KCNH8: variants seen among roughly 807,000 people sequenced by gnomAD.
KCNH8 encodes voltage-gated delayed rectifier potassium channel KCNH8.
A neutral mutation model predicts 103.6 loss-of-function variants in KCNH8; 70 were observed. The observed-to-expected ratio is 0.68, with a 90% CI of 0.56 to 0.82. The LOEUF (loss-of-function observed/expected upper bound fraction) is 0.82. KCNH8 is among the 40% of genes least tolerant of loss of function. KCNH8 has a pLI of 0.00. For synonymous variants in KCNH8, 498 were observed against 489.4 expected, an observed-to-expected ratio of 1.02 and a Z score of -0.23; for missense variants, 1,217 against 1,329.9, an observed-to-expected ratio of 0.92 and a Z score of 1.32.
At chr3:19,355,337 G>T (rs945014719) in intron 5 of KCNH8, among the ~76,000 whole-genome samples, 11 of 152,160 alleles carry the variant, frequency 7.2e-5, no homozygotes, top group African/African-American at 2.4e-4. Flanking sequence ...ATTCCTCAAG[G>T]ATCTAGAACT....
chr3:19,338,003 G>C (rs971932167), intron 3 of KCNH8, among the ~76,000 whole-genome samples: 2 of 151,778 alleles, frequency 1.3e-5, no homozygotes, highest in Admixed American at 6.6e-5. Flanking sequence ...GAGAGGCGGG[G>C]GGGGGAGAAA....
chr3:19,364,583 A>C (rs777832063), intron 5 of KCNH8, among the ~76,000 whole-genome samples: 1 of 152,130 alleles, frequency 6.6e-6, no homozygotes, highest in Admixed American at 6.6e-5. Context: ...ATAATTATAC[A>C]AAAAACAGAA....
At chr3:19,479,180 G>T (rs538862921) in intron 11 of KCNH8, among the ~76,000 whole-genome samples, 1 of 152,118 alleles carries the variant, frequency 6.6e-6, no homozygotes, top group East Asian at 1.9e-4. Context: ...GAGTTTGCGG[G>T]GTGCCTCCTA....
chr3:19,342,568 G>T lies in KCNH8; in HGVS notation c.443-19G>T. ...AATGATGCATGCATGTGTGTCTAATGAGTTTTATTTTCCCCCAGACAAAGT... is the reference window on the plus strand; with the variant it reads ...AATGATGCATGCATGTGTGTCTAATTAGTTTTATTTTCCCCCAGACAAAGT... On this transcript the variant is annotated intron_variant, in intron 3 of 15. Coordinates refer to ENST00000328405, the MANE Select transcript of KCNH8 (RefSeq NM_144633.3). The T allele has an allele frequency of 6.2e-7, 1 of 1,605,480 alleles. No individual in the cohort carries two copies. The highest frequency in any genetic ancestry group is 8.5e-7 in the Non-Finnish European group (1 of 1,174,758).
At chr3:19,339,533 TATG>T (rs1160828804) in intron 3 of KCNH8, among the ~76,000 whole-genome samples, 1 of 152,110 alleles carries the variant, frequency 6.6e-6, no homozygotes. Flanking sequence ...CACACGAAGA[TATG>T]ATCTTAACTT....
At chr3:19,370,427 A>C (rs1032388100) in intron 5 of KCNH8, among the ~76,000 whole-genome samples, 2 of 152,070 alleles carry the variant, frequency 1.3e-5, no homozygotes, top group African/African-American at 2.4e-5. Context: ...AAAGGTAATT[A>C]ACTTTCCATA....
chr3:19,418,993 A>C (rs1458063641), intron 7 of KCNH8, among the ~76,000 whole-genome samples: 6 of 152,120 alleles, frequency 3.9e-5, no homozygotes, highest in Non-Finnish European at 8.8e-5. Flanking sequence ...TCCCCATATG[A>C]GATGTTAACA....
intron 3 of KCNH8, among the ~76,000 whole-genome samples, chr3:19,332,876 G>A (rs184057423): frequency 2.3e-4 from 35 of 152,066 alleles, no homozygotes; most frequent in Admixed American, 9.8e-4. Context: ...CAAGTGATCC[G>A]CCCGCCTTGG....
intron 11 of KCNH8, among the ~76,000 whole-genome samples, chr3:19,480,667 T>C (rs2068069798): frequency 6.6e-6 from 1 of 152,202 alleles, no homozygotes; most frequent in Non-Finnish European, 1.5e-5. Context: ...TCCATGTGCC[T>C]GGTATGCTTG....
chr3:19,418,594 C>T (rs1009199594), intron 7 of KCNH8, among the ~76,000 whole-genome samples: 1 of 152,110 alleles, frequency 6.6e-6, no homozygotes, highest in African/African-American at 2.4e-5. Flanking sequence ...ACTAATTTGC[C>T]ATCCTGGACA....
At chr3:19,201,094 T>G (rs183879801) in intron 1 of KCNH8, among the ~76,000 whole-genome samples, 2 of 150,600 alleles carry the variant, frequency 1.3e-5, no homozygotes, top group Non-Finnish European at 3.0e-5. Context: ...TAGCTGGACA[T>G]GGGGGCGGGC....
At chr3:19,471,079 A>G (rs1395923159) in intron 11 of KCNH8, among the ~76,000 whole-genome samples, 4 of 152,120 alleles carry the variant, frequency 2.6e-5, no homozygotes, top group African/African-American at 9.7e-5. Flanking sequence ...AAGTTTGTTT[A>G]TGGGGAAGGG....
chr3:19,367,592 C>T (rs2066030965), intron 5 of KCNH8, among the ~76,000 whole-genome samples: 2 of 151,154 alleles, frequency 1.3e-5, no homozygotes, highest in Admixed American at 1.3e-4. Flanking sequence ...CATAATATTC[C>T]ATCATATAAT....
chr3:19,400,261 A>T (rs953952491), intron 7 of KCNH8, among the ~76,000 whole-genome samples: 6 of 144,666 alleles, frequency 4.1e-5, no homozygotes, highest in African/African-American at 1.6e-4. Context: ...AAAAAGCATC[A>T]TAATGTCAGA....
rs1575545098 is a variant in KCNH8 at position 19,347,926 on chromosome 3, A to G, written c.772A>G (p.Thr258Ala). The change falls in exon 5 of 16, where the codon ACC becomes GCC. Residue 258 changes from threonine to alanine, a missense_variant. By Grantham distance (58) the Thr-to-Ala change is moderately conservative (BLOSUM62 0). This residue lies in a region of KCNH8 where 415 missense variants were observed against 577.4 expected (regional missense o/e 0.72). Transcript: ENST00000328405. Reference protein sequence around the residue: ...NDDLSTTRSTTVSDIAVEILF... With the variant: ...NDDLSTTRSTAVSDIAVEILF... The stretch of plus-strand genomic sequence containing the variant: ...CGACCTGTCCACAACTCGGAGCACA[A>G]CCGTCAGTGACATTGCAGTGGAGAT... 1 of 1,613,144 alleles carries G rather than the reference A, an allele frequency of 6.2e-7. No homozygotes were observed. The highest frequency in any genetic ancestry group is 8.5e-7 in the Non-Finnish European group (1 of 1,179,366).
intron 2 of KCNH8, among the ~76,000 whole-genome samples, chr3:19,258,943 C>CTATATATATATATATATA (rs1352620384): frequency 1.9e-5 from 1 of 53,410 alleles, no homozygotes; most frequent in Non-Finnish European, 3.7e-5. Context: ...CTCTCTCTCT[C>CTATATATATATATATATA]TCTCTATATA....
intron 3 of KCNH8, among the ~76,000 whole-genome samples, chr3:19,320,598 T>G (rs2065337110): frequency 6.6e-6 from 1 of 151,986 alleles, no homozygotes; most frequent in Non-Finnish European, 1.5e-5. Flanking sequence ...TTTTTGAGAA[T>G]TTTTGCATCT....
At chr3:19,174,852 A>AC (rs2063382249) in intron 1 of KCNH8, among the ~76,000 whole-genome samples, 1 of 152,240 alleles carries the variant, frequency 6.6e-6, no homozygotes, top group African/African-American at 2.4e-5. Flanking sequence ...TTGTTTCAGA[A>AC]AAGGAATATT....
intron 3 of KCNH8, among the ~76,000 whole-genome samples, chr3:19,282,474 C>A (rs1021856125): frequency 9.2e-5 from 14 of 152,028 alleles, no homozygotes; most frequent in African/African-American, 3.4e-4. Context: ...AGGTAAGGAT[C>A]CTTTGAATAA....
Sources: allele counts gnomAD v4.1 joint callset (sites outside exome capture counted in the v4.1 genomes callset), GRCh38; gene constraint gnomAD v4.1.1; regional missense constraint gnomAD v4.1.1; transcripts MANE v1.5; gene names NCBI Gene and HGNC (gene_info 2026-07-23, HGNC 2026-07-21).